The following TMEM178B variants were observed in gnomAD, a reference collection of about 807,000 sequenced individuals.
TMEM178B encodes transmembrane protein 178B.
In TMEM178B, 5 loss-of-function variants were observed where a neutral mutation model predicts 31.0. The ratio of observed to expected loss-of-function variants is 0.16; its 90% confidence interval spans 0.08 to 0.34. The LOEUF (loss-of-function observed/expected upper bound fraction) is 0.34. Among genes scored for constraint, TMEM178B ranks in the 10% least tolerant of loss-of-function variants. The pLI is 1.00. For synonymous variants in TMEM178B, 164 were observed against 164.0 expected (o/e 1.00, Z 0.00); for missense variants, 275 against 400.3 (o/e 0.69, Z 2.67).
Position 141,186,170 on chromosome 7 carries a change from A to G in TMEM178B, c.383-26421A>G, listed in dbSNP as rs181142094. Among the ~76,000 whole-genome samples, 232 of 152,288 alleles carry G rather than the reference A, an allele frequency of 1.5e-3. 4 individuals are homozygous for G. The highest frequency in any genetic ancestry group is 5.2e-3 in the African/African-American group (216 of 41,572). On this transcript the variant is annotated intron_variant, in intron 1 of 3. Transcript: ENST00000565468. ...CTTGTAGCAGGTTCAGTGTATAGTT[A>G]AAGAGTCAAGGTCATGGATAGGAAA... is the stretch of plus-strand genomic sequence containing the variant.
At chr7:141,304,737 C>T (rs996395053) in intron 2 of TMEM178B, among the ~76,000 whole-genome samples, 8 of 152,202 alleles carry the variant, frequency 5.3e-5, no homozygotes, top group Non-Finnish European at 8.8e-5. Flanking sequence ...TAGCACTTCA[C>T]CCCATCTGAC....
At chr7:141,201,132 T>A (rs1005580895) in intron 1 of TMEM178B, among the ~76,000 whole-genome samples, 1 of 152,180 alleles carries the variant, frequency 6.6e-6, no homozygotes, top group Non-Finnish European at 1.5e-5. Context: ...GTTGGCTTAA[T>A]AGCTTTGTTG....
intron 1 of TMEM178B, among the ~76,000 whole-genome samples, chr7:141,078,861 G>T (rs1794639951): frequency 6.6e-6 from 1 of 152,162 alleles, no homozygotes; most frequent in Admixed American, 6.5e-5. Context: ...GCAAGGAGAA[G>T]GAGCAGACCA....
chr7:141,424,104 C>T (rs534468716), intron 2 of TMEM178B, among the ~76,000 whole-genome samples: 1 of 152,076 alleles, frequency 6.6e-6, no homozygotes, highest in Non-Finnish European at 1.5e-5. Flanking sequence ...AGGTGTGAGC[C>T]ACCACATGCC....
intron 1 of TMEM178B, among the ~76,000 whole-genome samples, chr7:141,125,244 A>G (rs867021090): frequency 2.6e-5 from 4 of 152,216 alleles, no homozygotes; most frequent in Admixed American, 6.5e-5. Flanking sequence ...ATTAATTTCA[A>G]TTTGCTTTGG....
rs114576410 is a variant in TMEM178B at position 141,399,384 on chromosome 7, G to T, written c.497-38224G>T. Among the ~76,000 whole-genome samples, 1,052 of 152,264 alleles carry T rather than the reference G, an allele frequency of 6.9e-3. 19 individuals are homozygous for T. Among genetic ancestry groups the T allele is most frequent in the African/African-American group, 0.022 (927 of 41,532 alleles). ...GCTAGTGGGAAATATGGAGGGTGGTGGCATCATATTTGAATATATTAGCTG... is the reference window on the plus strand; with the variant it reads ...GCTAGTGGGAAATATGGAGGGTGGTTGCATCATATTTGAATATATTAGCTG... On this transcript the variant is annotated intron_variant, in intron 2 of 3. Transcript: ENST00000565468.
chr7:141,107,988 G>A (rs937183018), intron 1 of TMEM178B, among the ~76,000 whole-genome samples: 1 of 152,224 alleles, frequency 6.6e-6, no homozygotes, highest in African/African-American at 2.4e-5. Context: ...GTGTTTCCAG[G>A]AGGAGGAAGT....
chr7:141,379,619 T>C (rs1166715050), intron 2 of TMEM178B, among the ~76,000 whole-genome samples: 2 of 152,224 alleles, frequency 1.3e-5, no homozygotes, highest in African/African-American at 4.8e-5. Flanking sequence ...TCCCGCAACT[T>C]TGCCCAATAG....
chr7:141,231,572 C>T (rs1448785761), intron 2 of TMEM178B, among the ~76,000 whole-genome samples: 3 of 152,214 alleles, frequency 2.0e-5, no homozygotes, highest in Non-Finnish European at 4.4e-5. Flanking sequence ...ATCTCCTCTG[C>T]AGCATTCCTA....
intron 2 of TMEM178B, among the ~76,000 whole-genome samples, chr7:141,224,673 G>T (rs1563123396): frequency 6.6e-6 from 1 of 152,184 alleles, no homozygotes; most frequent in Non-Finnish European, 1.5e-5. Flanking sequence ...GCTGTCGCAG[G>T]CTGAGTTCCC....
intron 1 of TMEM178B, among the ~76,000 whole-genome samples, chr7:141,088,463 C>A (rs1794824268): frequency 6.7e-6 from 1 of 150,148 alleles, no homozygotes; most frequent in Admixed American, 6.6e-5. Context: ...AGATATCCTT[C>A]AGAATTCCAC....
chr7:141,232,119 G>A lies in TMEM178B; in HGVS notation c.496+19415G>A, dbSNP rs150733690. ...GATAATGGCTTCCAGCTCCATCCAT[G>A]TCCCTGCAAAGGACATGCTCTCTTT... On this transcript the variant is annotated intron_variant, in intron 2 of 3. Transcript: ENST00000565468. 3.6e-3 allele frequency among the ~76,000 whole-genome samples: 545 copies of A among 152,272 alleles called. 2 individuals are homozygous for A. The highest frequency in any genetic ancestry group is 6.8e-3 in the Middle Eastern group (2 of 294).
At chr7:141,136,536 T>C (rs200351069) in intron 1 of TMEM178B, among the ~76,000 whole-genome samples, 1 of 152,140 alleles carries the variant, frequency 6.6e-6, no homozygotes, top group East Asian at 1.9e-4. Context: ...AGAACTATAT[T>C]AAACTAAAAA....
chr7:141,329,009 A>G (rs1216992960), intron 2 of TMEM178B, among the ~76,000 whole-genome samples: 1 of 152,172 alleles, frequency 6.6e-6, no homozygotes, highest in African/African-American at 2.4e-5. Context: ...TTATAAATTA[A>G]CATGTCCCCC....
At chr7:141,218,457 T>C (rs1232831425) in intron 2 of TMEM178B, among the ~76,000 whole-genome samples, 4 of 152,144 alleles carry the variant, frequency 2.6e-5, no homozygotes, top group African/African-American at 9.7e-5. Flanking sequence ...ACTGCAGACA[T>C]GTGGATGACA....
chr7:141,131,662 A>G (rs898031408), intron 1 of TMEM178B, among the ~76,000 whole-genome samples: 2 of 152,206 alleles, frequency 1.3e-5, no homozygotes, highest in African/African-American at 4.8e-5. Flanking sequence ...TAGTATCCTC[A>G]TAGTATGAAC....
chr7:141,239,200 A>G (rs1341591883), intron 2 of TMEM178B, among the ~76,000 whole-genome samples: 1 of 152,136 alleles, frequency 6.6e-6, no homozygotes, highest in Admixed American at 6.5e-5. Flanking sequence ...ATTTTGCTGT[A>G]ATGTGTTCTT....
chr7:141,105,979 C>T (rs574231609), intron 1 of TMEM178B, among the ~76,000 whole-genome samples: 8 of 150,164 alleles, frequency 5.3e-5, no homozygotes, highest in East Asian at 2.0e-4. Context: ...CCTATGGTCC[C>T]GGCTACTTGG....
intron 2 of TMEM178B, among the ~76,000 whole-genome samples, chr7:141,230,408 A>G (rs1797422476): frequency 6.6e-6 from 1 of 152,190 alleles, no homozygotes; most frequent in South Asian, 2.1e-4. Context: ...CTCATTTTTG[A>G]AATTATAAGA....
Sources: gnomAD v4.1 joint callset for allele counts (sites outside exome capture counted in the v4.1 genomes callset) on GRCh38, gnomAD v4.1.1 for gene constraint, MANE v1.5 for transcripts, NCBI Gene and HGNC (gene_info 2026-07-23, HGNC 2026-07-21) for gene names.